Variants in DDX56 observed in about 807,000 individuals in gnomAD.
DDX56 encodes the protein probable ATP-dependent RNA helicase DDX56.
In DDX56, 45 loss-of-function variants were observed where a neutral mutation model predicts 61.5. That is an observed-to-expected ratio of 0.73 (90% confidence interval 0.58 to 0.94). The LOEUF is 0.94. Among genes scored for constraint, DDX56 ranks in the 40% least tolerant of loss-of-function variants. The probability of loss-of-function intolerance (pLI) is 0.00; values close to 1 mark genes in which losing one functional copy is unlikely to be tolerated. For synonymous variants in DDX56, 273 were observed against 268.3 expected (o/e 1.02, Z -0.17); for missense variants, 708 against 690.7 (o/e 1.02, Z -0.28).
intron 5 of DDX56, 31 bp downstream of exon 5, chr7:44,572,316 C>T (rs775609103): frequency 1.9e-6 from 3 of 1,559,576 alleles, no homozygotes; most frequent in East Asian, 2.2e-5. Context: ...CCCATGTCTG[C>T]AGCTCCAGAC....
intron 13 of DDX56, 160 bp from the exon 14 acceptor site, chr7:44,566,239 G>A: frequency 1.5e-6 from 1 of 685,798 alleles, no homozygotes; most frequent in Non-Finnish European, 2.5e-6. Flanking sequence ...AGGCAGCTGG[G>A]GAAAGAAAAG....
intron 13 of DDX56, 69 bp from the exon 14 acceptor site, chr7:44,566,148 C>A (rs541102420): frequency 2.3e-6 from 2 of 869,150 alleles, no homozygotes; most frequent in Non-Finnish European, 1.7e-6. Context: ...CCCACCCACC[C>A]AACTGAGAAA....
Position 44,569,195 on chromosome 7 carries a change from C to T in DDX56, c.1228G>A (p.Gly410Ser). The T allele has an allele frequency of 1.9e-6, 3 of 1,613,874 alleles. No individual in the cohort carries two copies. Among genetic ancestry groups the T allele is most frequent in the Non-Finnish European group, 2.5e-6 (3 of 1,180,018 alleles). Residue 410 changes from glycine to serine, a missense_variant, in exon 10 of 14, where the codon GGC becomes AGC. Coordinates refer to ENST00000258772, the MANE Select transcript of DDX56 (RefSeq NM_019082.4). ...AACTGGTAGGGGAGCAGAATGGGGC[C>T]CCTGTTCTCTGTGGAGAAGAAAGCA... is the stretch of plus-strand genomic sequence containing the variant. ...IEELLSGENR[G>S]PILLPYQFRM...
intron 5 of DDX56, 113 bp from the exon 6 acceptor site, chr7:44,571,849 G>A: frequency 1.4e-6 from 2 of 1,390,028 alleles, no homozygotes; most frequent in South Asian, 1.3e-5. Flanking sequence ...ATGCATTTAA[G>A]GATTCCTGGC....
intron 7 of DDX56, 113 bp downstream of exon 7, chr7:44,570,645 A>G: frequency 7.1e-7 from 1 of 1,400,692 alleles, no homozygotes; most frequent in East Asian, 2.3e-5. Flanking sequence ...CTACACTACC[A>G]GCCAGGCCTG....
chr7:44,566,380 T>G, intron 13 of DDX56, 68 bp downstream of exon 13: 1 of 1,370,454 alleles, frequency 7.3e-7, no homozygotes, highest in Non-Finnish European at 1.0e-6. Context: ...CGCCTCCACA[T>G]TCTGGTGATG....
chr7:44,569,064 A>C (rs1802608670), intron 10 of DDX56, 66 bp downstream of exon 10: 2 of 1,611,544 alleles, frequency 1.2e-6, no homozygotes, highest in South Asian at 2.2e-5. Flanking sequence ...GATGCTCAGC[A>C]AGACGGTGCA....
At position 44,566,521 on chromosome 7, in the gene DDX56, G is replaced by A. The variant is rs1338348075; in HGVS notation, c.1493C>T (p.Pro498Leu). The A allele has an allele frequency of 6.4e-7, 1 of 1,558,292 alleles. No individual in the cohort carries two copies. The highest frequency in any genetic ancestry group is 1.9e-5 in the Admixed American group (1 of 53,368). Residue 498 changes from proline (P) to leucine (L), a missense_variant, in exon 13 of 14, where the codon CCT becomes CTT. Transcript: ENST00000258772. ...HLGHVPDYLVPPALRGLVRPH... is the reference protein window; with the variant it reads ...HLGHVPDYLVLPALRGLVRPH... ...GCGCACCAGGCCACGGAGAGCAGGA[G>A]GAACTGGAAGAGATGCTTGCCTGAG...
chr7:44,567,554 C>G (rs1040235885), intron 12 of DDX56: 2 of 168,896 alleles, frequency 1.2e-5, no homozygotes. Flanking sequence ...CTAGCCTGGG[C>G]TGCACTACAG....
Position 44,571,524 on chromosome 7 carries a change from A to G in DDX56, c.858T>C (p.Cys286=), listed in dbSNP as rs1242211115. Residue 286 remains cysteine (C), a synonymous_variant, in exon 6 of 14, where the codon TGT becomes TGC. Coordinates refer to ENST00000258772, the MANE Select transcript of DDX56 (RefSeq NM_019082.4). The stretch of plus-strand genomic sequence containing the variant: ...GCAGTGGAAGCTCTCCATTGAGCAC[A>G]CAGGTGGGGATGCTGAACTGTTCCA... ...LFLEQFSIPT[C]VLNGELPLRS... 3 of 1,614,008 alleles carry G rather than the reference A, an allele frequency of 1.9e-6. No homozygotes were observed. Among genetic ancestry groups the G allele is most frequent in the Non-Finnish European group, 1.7e-6 (2 of 1,180,034 alleles).
chr7:44,570,482 TACC>T (rs758674722), intron 7 of DDX56, among the ~76,000 whole-genome samples: 32 of 152,326 alleles, frequency 2.1e-4, no homozygotes, highest in Non-Finnish European at 4.4e-5. Flanking sequence ...GTCACAGCCA[TACC>T]ACCAATGCAG....
At chr7:44,571,112 C>T (rs1196779010) in intron 6 of DDX56, among the ~76,000 whole-genome samples, 1 of 152,202 alleles carries the variant, frequency 6.6e-6, no homozygotes, top group African/African-American at 2.4e-5. Flanking sequence ...GATCTTGGCT[C>T]ACTGCAACCT....
At chr7:44,567,767 T>A in intron 12 of DDX56, 1 of 353,932 alleles carries the variant, frequency 2.8e-6, no homozygotes, top group Non-Finnish European at 5.3e-6. Flanking sequence ...TCTCTCTGCC[T>A]CCTGCCCGTG....
At chr7:44,570,178 G>T in intron 7 of DDX56, 50 bp from the exon 8 acceptor site, 2 of 1,598,488 alleles carry the variant, frequency 1.3e-6, no homozygotes, top group Admixed American at 1.7e-5. Context: ...CTCTGGGCAC[G>T]TATTCACACG....
chr7:44,570,838 G>C lies in DDX56; in HGVS notation c.930C>G (p.Asp310Glu), dbSNP rs746066237. ...CTTCAGCATCAGTTGCTATGACACA[G>C]TCGTAGAAGCCTTGGTTGAACTGTG... ...IISQFNQGFY[D>E]CVIATDAEVL... Residue 310 changes from aspartate to glutamate, a missense_variant, in exon 7 of 14, where the codon GAC (aspartate) becomes GAG (glutamate). Coordinates refer to ENST00000258772, the MANE Select transcript of DDX56 (RefSeq NM_019082.4). 6.2e-7 allele frequency: 1 copy of C among 1,613,972 alleles called. No homozygotes were observed.
At position 44,571,750 on chromosome 7, in the gene DDX56, C is replaced by T; in HGVS notation, c.646-14G>A. ...CTTAAGGGTAACCTGGGGGAGAAAA[C>T]AGGCCTGTGGTCAGAAAGGAAAAGA... On this transcript the variant is annotated splice_polypyrimidine_tract_variant and intron_variant, in intron 5 of 13. Transcript: ENST00000258772. The T allele has an allele frequency of 6.2e-7, 1 of 1,613,124 alleles. No individual in the cohort carries two copies. Among genetic ancestry groups the T allele is most frequent in the East Asian group, 2.2e-5 (1 of 44,866 alleles).
Position 44,573,654 on chromosome 7 carries a change from C to T in DDX56, c.151G>A (p.Ala51Thr). ...ALEGKDLLAR[A>T]RTGSGKTAAY... is the part of the protein sequence containing the mutation. ...GCCGTCTTCCCGGAGCCCGTGCGGGCCCGAGCCAGGAGGTCCTTCCCTTCT... is the reference window on the plus strand; with the variant it reads ...GCCGTCTTCCCGGAGCCCGTGCGGGTCCGAGCCAGGAGGTCCTTCCCTTCT... Residue 51 changes from alanine to threonine, a missense_variant, in exon 2 of 14, where the codon GCC becomes ACC. Transcript: ENST00000258772. The T allele has an allele frequency of 6.2e-7, 1 of 1,613,760 alleles. No homozygotes were observed. The highest frequency in any genetic ancestry group is 8.5e-7 in the Non-Finnish European group (1 of 1,180,034).
rs1802629625 is a variant in DDX56 at position 44,569,898 on chromosome 7, G to A, written c.1130C>T (p.Ala377Val). The A allele has an allele frequency of 6.2e-7, 1 of 1,611,234 alleles. No homozygotes were observed. Among genetic ancestry groups the A allele is most frequent in the African/African-American group, 1.3e-5 (1 of 75,018 alleles). Residue 377 changes from alanine to valine, a missense_variant, in exon 9 of 14, where the codon GCA becomes GTA. Ala to Val is a moderately conservative substitution (Grantham distance 64). Coordinates refer to ENST00000258772, the MANE Select transcript of DDX56 (RefSeq NM_019082.4). Reference protein sequence around the residue: ...EAYIHRAGRTARANNPGIVLT... With the variant: ...EAYIHRAGRTVRANNPGIVLT... ...GACTATGCCTGGGTTGTTAGCGCGT[G>A]CTGTCCTGCAAGGGAAGACAGTGCA...
In DDX56 at chr7:44,568,238, G is replaced by T. The variant is rs1802590309; in HGVS notation, c.1384-15C>A. 2 of 1,582,484 alleles carry T rather than the reference G, an allele frequency of 1.3e-6. No individual in the cohort carries two copies. The highest frequency in any genetic ancestry group is 1.1e-5 in the South Asian group (1 of 89,258). ...TCAAAGTATGTCTGCCGGGGGAAGA[G>T]GGAGAGCCACAGAGTGAGCATCTTT... On this transcript the variant is annotated splice_polypyrimidine_tract_variant and intron_variant, in intron 11 of 13. Coordinates refer to ENST00000258772, the MANE Select transcript of DDX56 (RefSeq NM_019082.4).
Sources: allele counts gnomAD v4.1 joint callset (sites outside exome capture counted in the v4.1 genomes callset), GRCh38; gene constraint gnomAD v4.1.1; transcripts MANE v1.5; gene names NCBI Gene and HGNC (gene_info 2026-07-23, HGNC 2026-07-21).